ARB2A: variants seen among roughly 807,000 people sequenced by gnomAD.
ARB2A encodes ARB2 cotranscriptional regulator A.
chr5:93,726,489 T>A, the ARB2A span, among the ~76,000 whole-genome samples: 1 of 152,118 alleles, frequency 6.6e-6, no homozygotes, highest in Admixed American at 6.6e-5. Context: ...TGCCTGTAGG[T>A]ACTCTGCCTG....
chr5:93,944,196 T>C, the ARB2A span, among the ~76,000 whole-genome samples: 4 of 152,204 alleles, frequency 2.6e-5, no homozygotes, highest in African/African-American at 2.4e-5. Flanking sequence ...TAAAGTGAAC[T>C]ACCTGTCACC....
the ARB2A span, among the ~76,000 whole-genome samples, chr5:93,980,285 T>C: frequency 0.28 from 42,430 of 152,092 alleles, 6,157 homozygotes; most frequent in South Asian, 0.5. Flanking sequence ...AGTTATTTCC[T>C]CTGGTGTCTT....
chr5:93,906,450 T>C, the ARB2A span, among the ~76,000 whole-genome samples: 1 of 151,462 alleles, frequency 6.6e-6, no homozygotes, highest in African/African-American at 2.4e-5. Flanking sequence ...AATTTCCACA[T>C]CTGTATAATG....
At chr5:93,986,292 C>T in the ARB2A span, among the ~76,000 whole-genome samples, 1 of 150,496 alleles carries the variant, frequency 6.6e-6, no homozygotes, top group Admixed American at 6.6e-5. Flanking sequence ...GTGGGGGGCG[C>T]CCCCGCCCAG....
chr5:93,940,809 TA>T, the ARB2A span, among the ~76,000 whole-genome samples: 1 of 152,152 alleles, frequency 6.6e-6, no homozygotes. Context: ...ACCTACTTTA[TA>T]GCTTAGTGTC....
chr5:93,897,103 T>C, the ARB2A span, among the ~76,000 whole-genome samples: 1 of 152,008 alleles, frequency 6.6e-6, no homozygotes, highest in Non-Finnish European at 1.5e-5. Flanking sequence ...GCAAGCCATA[T>C]AACTCAAATG....
chr5:93,785,848 T>G, the ARB2A span, among the ~76,000 whole-genome samples: 1 of 152,182 alleles, frequency 6.6e-6, no homozygotes, highest in African/African-American at 2.4e-5. Context: ...AATTTAATAC[T>G]TCACATGAAT....
At chr5:93,850,321 A>G in the ARB2A span, among the ~76,000 whole-genome samples, 21 of 152,186 alleles carry the variant, frequency 1.4e-4, no homozygotes, top group Admixed American at 9.2e-4. Flanking sequence ...TTATTTATCA[A>G]TAATTTGGAT....
At chr5:93,820,392 A>G in the ARB2A span, among the ~76,000 whole-genome samples, 232 of 152,338 alleles carry the variant, frequency 1.5e-3, 2 homozygotes, top group African/African-American at 5.3e-3. Context: ...GCCAACAATA[A>G]AAGTGATGAA....
At chr5:94,023,742 T>C in the ARB2A span, among the ~76,000 whole-genome samples, 2 of 152,212 alleles carry the variant, frequency 1.3e-5, no homozygotes, top group Admixed American at 1.3e-4. Context: ...TTCCAGAAAC[T>C]GCTCCTGGCT....
At chr5:93,665,015 C>G in the ARB2A span, among the ~76,000 whole-genome samples, 1 of 151,992 alleles carries the variant, frequency 6.6e-6, no homozygotes. Flanking sequence ...TTTGTAGAGA[C>G]AGAGTTTTGC....
At chr5:93,620,521 C>A in the ARB2A span, 2 of 151,208 alleles carry the variant, frequency 1.3e-5, no homozygotes, top group Admixed American at 6.6e-5. Flanking sequence ...CAGGGAAAAA[C>A]CTAGTGAAAA....
the ARB2A span, among the ~76,000 whole-genome samples, chr5:93,945,755 TA>T: frequency 6.6e-6 from 1 of 152,022 alleles, no homozygotes; most frequent in Non-Finnish European, 1.5e-5. Context: ...TTCTCAGAAC[TA>T]AAGATCATGA....
the ARB2A span, among the ~76,000 whole-genome samples, chr5:94,018,853 A>G: frequency 6.6e-6 from 1 of 152,170 alleles, no homozygotes; most frequent in African/African-American, 2.4e-5. Context: ...CATATAGCCA[A>G]GACAATCCTA....
chr5:94,004,998 C>CAAAAAAAAAAAAAAAAAAAAAAA, the ARB2A span, among the ~76,000 whole-genome samples: 12 of 12,552 alleles, frequency 9.6e-4, 3 homozygotes, highest in Non-Finnish European at 1.5e-3. Flanking sequence ...ATTTTATCAG[C>CAAAAAAAAAAAAAAAAAAAAAAA]AAAAAAAAAA....
chr5:93,771,587 A>C, the ARB2A span, among the ~76,000 whole-genome samples: 1 of 152,226 alleles, frequency 6.6e-6, no homozygotes, highest in African/African-American at 2.4e-5. Flanking sequence ...AGAATCTATA[A>C]TGAACTCAAA....
At chr5:93,948,327 G>C in the ARB2A span, among the ~76,000 whole-genome samples, 1 of 152,196 alleles carries the variant, frequency 6.6e-6, no homozygotes, top group African/African-American at 2.4e-5. Context: ...AGAAGTATCT[G>C]TTCATGTCCT....
At chr5:93,881,436 G>A in the ARB2A span, 4 of 1,499,332 alleles carry the variant, frequency 2.7e-6, no homozygotes, top group Admixed American at 6.9e-5. Context: ...ACAAGGTAAA[G>A]AAAATAGTAA....
chr5:93,888,779 CAT>C, the ARB2A span, among the ~76,000 whole-genome samples: 1 of 151,716 alleles, frequency 6.6e-6, no homozygotes, highest in Admixed American at 6.6e-5. Context: ...ATTAAAATAT[CAT>C]GTGTTTAAAT....
Sources: gnomAD v4.1 joint callset for allele counts (sites outside exome capture counted in the v4.1 genomes callset) on GRCh38, gnomAD v4.1.1 for gene constraint, MANE v1.5 for transcripts, NCBI Gene and HGNC (gene_info 2026-07-23, HGNC 2026-07-21) for gene names.